The following NRXN1 variants were observed in gnomAD, a reference collection of about 807,000 sequenced individuals.
NRXN1 encodes neurexin-1.
NRXN1 carries 39 observed loss-of-function variants against 150.9 expected under a neutral mutation model. That is an observed-to-expected ratio of 0.26 (90% CI 0.20 to 0.34). The LOEUF is 0.34. Ranked by LOEUF, NRXN1 falls within the 10% of genes least tolerant of loss-of-function variation. The pLI is 1.00. For missense variants in NRXN1, 1,815 were observed against 1,949.9 expected (o/e 0.93, Z 1.30); for synonymous variants, 924 against 757.0 (o/e 1.22, Z -3.62).
intron 5 of NRXN1, among the ~76,000 whole-genome samples, chr2:50,868,435 A>T (rs1222739729): frequency 1.3e-5 from 2 of 151,112 alleles, no homozygotes; most frequent in Non-Finnish European, 1.5e-5. Flanking sequence ...GAACAATGAG[A>T]ACTTACTTAA....
Position 50,347,003 on chromosome 2 carries a change from GGGAGA to G in NRXN1, c.3365-110038_3365-110034del. On this transcript the variant is annotated intron_variant, in intron 17 of 22. Coordinates refer to ENST00000401669, the MANE Select transcript of NRXN1 (RefSeq NM_001330078.2). This position sits in a 1 kb window ranked among gnomAD's most constrained non-coding sequence, Gnocchi z 4.9. ...CGCGGGAGGCAAAGTTTGGGGCGCG[GGGAGA>G]GGAGAGGGCGCAGGGGAGCGGGCGG... 7.3e-7 allele frequency: 1 copy of G among 1,369,500 alleles called. No homozygotes were observed. The highest frequency in any genetic ancestry group is 3.8e-5 in the East Asian group (1 of 26,416). The allele number at this position is 1,369,500 out of a possible 1,614,324, so 84.8% of individuals were successfully genotyped here.
intron 21 of NRXN1, among the ~76,000 whole-genome samples, chr2:49,995,091 T>C (rs571524445): frequency 8.9e-4 from 136 of 152,292 alleles, no homozygotes; most frequent in Middle Eastern, 3.4e-3. Flanking sequence ...CACCTTTCGA[T>C]TTCATATAGC....
At chr2:51,004,505 A>T (rs1056769969) in intron 2 of NRXN1, among the ~76,000 whole-genome samples, 7 of 151,942 alleles carry the variant, frequency 4.6e-5, no homozygotes, top group Admixed American at 4.6e-4. Flanking sequence ...AAGTAACTTT[A>T]AAGTACGTGG....
intron 2 of NRXN1, among the ~76,000 whole-genome samples, chr2:50,965,059 T>C (rs1305717043): frequency 1.3e-5 from 2 of 151,440 alleles, no homozygotes; most frequent in South Asian, 2.1e-4. Flanking sequence ...TCTATTTCAG[T>C]AGCAATTAGG....
At chr2:50,717,948 G>A (rs903936748) in intron 5 of NRXN1, among the ~76,000 whole-genome samples, 3 of 152,162 alleles carry the variant, frequency 2.0e-5, no homozygotes, top group Non-Finnish European at 2.9e-5. Flanking sequence ...TACATTGAGG[G>A]TTAGGATTTC....
At chr2:50,635,663 C>T (rs1015004621) in intron 5 of NRXN1, among the ~76,000 whole-genome samples, 2 of 152,152 alleles carry the variant, frequency 1.3e-5, no homozygotes, top group Non-Finnish European at 2.9e-5. Context: ...CCCTCAATTA[C>T]TTTTGGTAAA....
intron 17 of NRXN1, among the ~76,000 whole-genome samples, chr2:50,239,575 G>T (rs1235796651): frequency 6.9e-6 from 1 of 145,794 alleles, no homozygotes; most frequent in Non-Finnish European, 1.5e-5. Context: ...AGGAAATTTA[G>T]TCATAAAGAT....
At chr2:50,881,153 T>G (rs773218904) in intron 5 of NRXN1, among the ~76,000 whole-genome samples, 1 of 151,954 alleles carries the variant, frequency 6.6e-6, no homozygotes, top group Non-Finnish European at 1.5e-5. Flanking sequence ...AGATGTGCAA[T>G]GTAAGAGTCC....
At chr2:50,806,737 C>G (rs1293685590) in intron 5 of NRXN1, among the ~76,000 whole-genome samples, 1 of 152,098 alleles carries the variant, frequency 6.6e-6, no homozygotes, top group African/African-American at 2.4e-5. Context: ...CACTCTGTCT[C>G]TCTCTCTCTC....
chr2:50,273,624 T>A (rs2070007341), intron 17 of NRXN1, among the ~76,000 whole-genome samples: 2 of 152,118 alleles, frequency 1.3e-5, no homozygotes, highest in Non-Finnish European at 2.9e-5. Flanking sequence ...ATTGAAAACC[T>A]GACATAGGAA....
chr2:50,127,557 C>T (rs1399872233), intron 18 of NRXN1, among the ~76,000 whole-genome samples: 1 of 152,054 alleles, frequency 6.6e-6, no homozygotes, highest in East Asian at 1.9e-4. Context: ...CATCAGGGCT[C>T]CACAGGAAAC....
intron 5 of NRXN1, among the ~76,000 whole-genome samples, chr2:50,744,778 A>G (rs1699822657): frequency 6.6e-6 from 1 of 152,198 alleles, no homozygotes; most frequent in Non-Finnish European, 1.5e-5. Context: ...GAAACTGTAA[A>G]AAATGCTGTT....
chr2:49,984,542 TC>T (rs1680573194), intron 21 of NRXN1, among the ~76,000 whole-genome samples: 3 of 152,128 alleles, frequency 2.0e-5, no homozygotes, highest in African/African-American at 4.8e-5. Context: ...GAAGGGGGGC[TC>T]CTTTCTCTCC....
intron 21 of NRXN1, among the ~76,000 whole-genome samples, chr2:49,976,279 C>T (rs1296784516): frequency 6.6e-6 from 1 of 151,644 alleles, no homozygotes; most frequent in Non-Finnish European, 1.5e-5. Flanking sequence ...GTGATCCGCC[C>T]ACCTTGGCCT....
Position 50,279,794 on chromosome 2 carries a change from G to A in NRXN1, c.3365-42824C>T, listed in dbSNP as rs145715414. Among the ~76,000 whole-genome samples the A allele has an allele frequency of 1.4e-4, 22 of 152,198 alleles. No homozygotes were observed. In the East Asian group the frequency reaches 4.2e-3, roughly 29 times the overall value. On this transcript the variant is annotated intron_variant, in intron 17 of 22. Transcript: ENST00000401669. The stretch of plus-strand genomic sequence containing the variant: ...AATTAGTAGCGATAAAATATTAAGT[G>A]ATTCATAAATCATAATGGAAAACAG...
intron 17 of NRXN1, among the ~76,000 whole-genome samples, chr2:50,323,911 C>T (rs77854551): frequency 1.2e-4 from 18 of 152,240 alleles, no homozygotes; most frequent in Non-Finnish European, 2.5e-4. Context: ...GGGGTACCAA[C>T]CGCCAGAAAC....
intron 5 of NRXN1, among the ~76,000 whole-genome samples, chr2:50,752,315 T>C (rs2105335242): frequency 6.6e-6 from 1 of 152,092 alleles, no homozygotes; most frequent in Non-Finnish European, 1.5e-5. Flanking sequence ...GCACAGGGTA[T>C]TAACTTCTGC....
At chr2:50,830,873 C>T (rs550979508) in intron 5 of NRXN1, among the ~76,000 whole-genome samples, 5 of 152,038 alleles carry the variant, frequency 3.3e-5, no homozygotes, top group South Asian at 4.2e-4. Flanking sequence ...GCAGAAAAAA[C>T]GACACACACA....
chr2:50,847,697 C>T (rs942576717), intron 5 of NRXN1, among the ~76,000 whole-genome samples: 3 of 152,154 alleles, frequency 2.0e-5, no homozygotes, highest in Non-Finnish European at 2.9e-5. Context: ...AGCTGCTGGA[C>T]GGCGAGAGAA....
Sources: gnomAD v4.1 joint callset for allele counts (sites outside exome capture counted in the v4.1 genomes callset) on GRCh38, gnomAD v4.1.1 for gene constraint, Gnocchi (gnomAD v3.1) non-coding constraint, MANE v1.5 for transcripts, NCBI Gene and HGNC (gene_info 2026-07-23, HGNC 2026-07-21) for gene names.